The following KIAA2012 variants were observed in gnomAD, a reference collection of about 807,000 sequenced individuals.
The protein encoded by KIAA2012 is KIAA2012.
A neutral mutation model predicts 150.6 loss-of-function variants in KIAA2012; 125 were observed. That is an observed-to-expected ratio of 0.83 (90% CI 0.72 to 0.96). The LOEUF is 0.96. Among genes scored for constraint, KIAA2012 ranks in the 40% least tolerant of loss-of-function variants. KIAA2012 has a pLI of 0.00. For missense variants in KIAA2012, 1,219 were observed against 1,354.9 expected (o/e 0.90, Z 1.57); for synonymous variants, 462 against 504.7 (o/e 0.92, Z 1.13).
At chr2:202,143,259 G>A (rs1691230949) in intron 13 of KIAA2012, among the ~76,000 whole-genome samples, 1 of 151,516 alleles carries the variant, frequency 6.6e-6, no homozygotes, top group Non-Finnish European at 1.5e-5. Flanking sequence ...TAATTTTTTT[G>A]TATTTTAGTA....
chr2:202,113,709 G>A (rs192752086), intron 11 of KIAA2012: 298 of 427,994 alleles, frequency 7.0e-4, no homozygotes, highest in Non-Finnish European at 1.1e-3. Flanking sequence ...AATGTGCCAC[G>A]CTGATGCCTT....
chr2:202,101,609 G>T (rs1180766581), intron 7 of KIAA2012, among the ~76,000 whole-genome samples: 3 of 152,206 alleles, frequency 2.0e-5, no homozygotes, highest in Non-Finnish European at 4.4e-5. Flanking sequence ...AAGAAATTAA[G>T]TCTTGGCTCG....
At position 202,077,020 on chromosome 2, in the gene KIAA2012, C is replaced by T. The variant is rs564122348; in HGVS notation, c.369+1845C>T. The T allele has an allele frequency of 3.3e-5, 15 of 457,248 alleles. No individual in the cohort carries two copies. The East Asian group carries it at 9.0e-4, about 28-fold the overall frequency. The allele number at this position is 457,248 out of a possible 1,614,324, so 28.3% of individuals were successfully genotyped here. ...GTATTTCTCCCTTCCCACTCTGCCT[C>T]AAGTGAAAAGAAGCATCTGCATTAC... On this transcript the variant is annotated intron_variant, in intron 2 of 23. Coordinates refer to ENST00000498697, the MANE Select transcript of KIAA2012 (RefSeq NM_001277372.4).
At chr2:202,154,431 A>C (rs898349069) in intron 13 of KIAA2012, among the ~76,000 whole-genome samples, 10 of 152,166 alleles carry the variant, frequency 6.6e-5, no homozygotes, top group African/African-American at 2.4e-4. Context: ...TTAAATAATT[A>C]AAGCCCTGGG....
At chr2:202,143,173 C>T (rs761154181) in intron 13 of KIAA2012, among the ~76,000 whole-genome samples, 1 of 151,268 alleles carries the variant, frequency 6.6e-6, no homozygotes, top group African/African-American at 2.4e-5. Flanking sequence ...CAACCTCCGC[C>T]TCCAGGGTTC....
intron 15 of KIAA2012, among the ~76,000 whole-genome samples, chr2:202,166,783 A>G (rs1323394518): frequency 1.3e-5 from 2 of 152,196 alleles, no homozygotes; most frequent in Non-Finnish European, 2.9e-5. Context: ...TAAGCAGTGA[A>G]CCAGTTGCCA....
intron 18 of KIAA2012, among the ~76,000 whole-genome samples, chr2:202,189,811 G>C (rs769397319): frequency 6.6e-6 from 1 of 152,060 alleles, no homozygotes; most frequent in Non-Finnish European, 1.5e-5. Context: ...CTAAAAAGGG[G>C]CCAGGCACGG....
chr2:202,107,803 G>A (rs375951143), intron 9 of KIAA2012, among the ~76,000 whole-genome samples: 1 of 152,296 alleles, frequency 6.6e-6, no homozygotes, highest in East Asian at 1.9e-4. Flanking sequence ...GAGGTCAGGA[G>A]TTCGAGACCA....
chr2:202,195,038 G>C (rs970485115), intron 21 of KIAA2012, among the ~76,000 whole-genome samples: 9 of 151,884 alleles, frequency 5.9e-5, no homozygotes, highest in Non-Finnish European at 1.2e-4. Flanking sequence ...AAAGTGCTGG[G>C]ATTACAGGTG....
intron 2 of KIAA2012, among the ~76,000 whole-genome samples, chr2:202,075,415 T>C (rs1366968264): frequency 3.9e-5 from 6 of 152,156 alleles, no homozygotes; most frequent in Non-Finnish European, 7.3e-5. Flanking sequence ...AGGGCTACAT[T>C]ATCATCATTT....
intron 13 of KIAA2012, among the ~76,000 whole-genome samples, chr2:202,149,288 A>G (rs1322263890): frequency 1.3e-5 from 2 of 152,080 alleles, no homozygotes; most frequent in Non-Finnish European, 2.9e-5. Context: ...CCTTTTGTTT[A>G]CTCACAGGAG....
At chr2:202,197,426 A>C in intron 22 of KIAA2012, 1 of 197,580 alleles carries the variant, frequency 5.1e-6, no homozygotes, top group Non-Finnish European at 1.1e-5. Flanking sequence ...ACTGTTCTAG[A>C]CACTAGGAAT....
chr2:202,193,330 G>A lies in KIAA2012; in HGVS notation c.2841G>A (p.Lys947=). ...TCCTCACTAAGAGGGAGCAGGAGAA[G>A]GCTTCCTGGGACAGGCTTCGAGCAG... is the stretch of plus-strand genomic sequence containing the variant. ...KALLTKREQE[K]ASWDRLRAER... Residue 947 remains lysine (K), a synonymous_variant, in exon 20 of 24, where the codon AAG becomes AAA. Transcript: ENST00000498697. The A allele has an allele frequency of 6.5e-7, 1 of 1,549,972 alleles. No homozygotes were observed. Among genetic ancestry groups the A allele is most frequent in the Non-Finnish European group, 8.7e-7 (1 of 1,146,830 alleles).
chr2:202,201,503 T>G (rs1475827558), intron 22 of KIAA2012: 21 of 1,606,296 alleles, frequency 1.3e-5, no homozygotes, highest in Non-Finnish European at 1.7e-5. Flanking sequence ...ATCCAGGAGG[T>G]GGAGGAAGAA....
At chr2:202,120,058 C>T (rs1167411172) in intron 11 of KIAA2012, among the ~76,000 whole-genome samples, 1 of 152,218 alleles carries the variant, frequency 6.6e-6, no homozygotes, top group Non-Finnish European at 1.5e-5. Flanking sequence ...TCCTCCTTGC[C>T]TTTTGCCATG....
intron 14 of KIAA2012, among the ~76,000 whole-genome samples, chr2:202,164,798 G>A (rs1235063245): frequency 1.3e-5 from 2 of 152,080 alleles, no homozygotes; most frequent in Admixed American, 6.6e-5. Context: ...CATTCTTCTC[G>A]CCTTCCTCCA....
chr2:202,150,498 G>T (rs1691403487), intron 13 of KIAA2012, among the ~76,000 whole-genome samples: 1 of 151,966 alleles, frequency 6.6e-6, no homozygotes, highest in South Asian at 2.1e-4. Flanking sequence ...GCCGAGGCTG[G>T]AGTGCAGTGG....
intron 23 of KIAA2012, 57 bp downstream of exon 23, chr2:202,202,644 G>C (rs939920242): frequency 6.5e-5 from 26 of 397,416 alleles, no homozygotes; most frequent in African/African-American, 3.9e-4. Flanking sequence ...TAAAGTTCTA[G>C]GGGCCAGGCA....
intron 11 of KIAA2012, 121 bp downstream of exon 11, chr2:202,113,567 G>T: frequency 1.6e-6 from 1 of 644,496 alleles, no homozygotes. Flanking sequence ...AAGTCAGCCA[G>T]TTTCTCCCCT....
Sources: gnomAD v4.1 joint callset for allele counts (sites outside exome capture counted in the v4.1 genomes callset) on GRCh38, gnomAD v4.1.1 for gene constraint, MANE v1.5 for transcripts, NCBI Gene and HGNC (gene_info 2026-07-23, HGNC 2026-07-21) for gene names.